The following TENM3 variants were observed in gnomAD, a reference collection of about 807,000 sequenced individuals.
TENM3 encodes teneurin transmembrane protein 3.
A neutral mutation model predicts 255.1 loss-of-function variants in TENM3; 63 were observed. The ratio of observed to expected loss-of-function variants is 0.25; its 90% CI spans 0.20 to 0.30. The LOEUF (loss-of-function observed/expected upper bound fraction) is 0.30, where lower values mean the gene tolerates loss of function less well. TENM3 is among the 10% of genes least tolerant of loss of function. The pLI is 1.00. For missense variants in TENM3, 2,929 were observed against 3,461.1 expected (o/e 0.85, Z 3.86); for synonymous variants, 1,306 against 1,322.3 (o/e 0.99, Z 0.27).
chr4:181,486,397 C>T, the TENM3 span, among the ~76,000 whole-genome samples: 30 of 152,338 alleles, frequency 2.0e-4, no homozygotes, highest in African/African-American at 7.2e-4. Context: ...AGTACCATAG[C>T]ATGTTGATGC....
At chr4:181,453,903 TA>T in the TENM3 span, among the ~76,000 whole-genome samples, 1 of 152,112 alleles carries the variant, frequency 6.6e-6, no homozygotes, top group African/African-American at 2.4e-5. Flanking sequence ...GTCCTGGGTT[TA>T]AAATGTGGTT....
chr4:182,144,553 G>T (rs541184538), upstream of TENM3: 100 of 149,980 alleles, frequency 6.7e-4, no homozygotes, highest in African/African-American at 2.4e-3. Flanking sequence ...GCGGCCGGGG[G>T]CGGGCAGGGA....
intron 1 of TENM3, among the ~76,000 whole-genome samples, chr4:182,184,912 G>A (rs959556417): frequency 1.3e-5 from 2 of 151,966 alleles, no homozygotes; most frequent in Non-Finnish European, 2.9e-5. Context: ...ATGACACTGC[G>A]TCTCTACTAG....
At chr4:182,370,744 C>G (rs1327200549) in intron 3 of TENM3, among the ~76,000 whole-genome samples, 1 of 152,178 alleles carries the variant, frequency 6.6e-6, no homozygotes, top group Non-Finnish European at 1.5e-5. Context: ...CATTATTTCA[C>G]TGTGAGAATA....
intron 3 of TENM3, among the ~76,000 whole-genome samples, chr4:182,503,278 A>G (rs1040746335): frequency 1.3e-5 from 2 of 152,118 alleles, no homozygotes; most frequent in African/African-American, 2.4e-5. Context: ...ACCTGTCCCA[A>G]ACTTCTCTTC....
At chr4:181,512,845 T>A in the TENM3 span, among the ~76,000 whole-genome samples, 1 of 152,232 alleles carries the variant, frequency 6.6e-6, no homozygotes, top group African/African-American at 2.4e-5. Flanking sequence ...ACATTTAGAT[T>A]AGAAACAGCC....
At chr4:181,578,230 T>TTTTC in the TENM3 span, among the ~76,000 whole-genome samples, 16 of 82,778 alleles carry the variant, frequency 1.9e-4, no homozygotes, top group Non-Finnish European at 3.1e-4. Context: ...ATGTCTTTCC[T>TTTTC]TTTCTTTGTT....
intron 22 of TENM3, among the ~76,000 whole-genome samples, chr4:182,761,002 A>G (rs1220522378): frequency 6.6e-6 from 1 of 152,112 alleles, no homozygotes; most frequent in Admixed American, 6.6e-5. Flanking sequence ...ATCATTAATT[A>G]GAAAAGTTAT....
chr4:181,813,416 G>A, the TENM3 span, among the ~76,000 whole-genome samples: 36 of 152,288 alleles, frequency 2.4e-4, no homozygotes, highest in Admixed American at 1.7e-3. Context: ...CAAACAAAGC[G>A]TCAAGCACAC....
chr4:182,503,018 G>T (rs1443355011), intron 3 of TENM3, among the ~76,000 whole-genome samples: 4 of 137,112 alleles, frequency 2.9e-5, no homozygotes, highest in Non-Finnish European at 6.1e-5. Context: ...CTGCTCTCTT[G>T]TCCAAAGTTT....
chr4:181,853,715 A>C, the TENM3 span, among the ~76,000 whole-genome samples: 5 of 152,314 alleles, frequency 3.3e-5, no homozygotes, highest in African/African-American at 1.2e-4. Flanking sequence ...GTTGTTAAGA[A>C]ATAACAGCAA....
At chr4:182,737,544 G>GC (rs1243570239) in intron 17 of TENM3, among the ~76,000 whole-genome samples, 1 of 152,126 alleles carries the variant, frequency 6.6e-6, no homozygotes. Flanking sequence ...CACTAGAACG[G>GC]CCGGTTCATT....
At chr4:181,742,999 C>T in the TENM3 span, among the ~76,000 whole-genome samples, 2 of 152,056 alleles carry the variant, frequency 1.3e-5, no homozygotes, top group African/African-American at 4.8e-5. Context: ...CTACAAAGAA[C>T]ATGAACTCAT....
chr4:181,810,822 C>G, the TENM3 span, among the ~76,000 whole-genome samples: 1 of 152,062 alleles, frequency 6.6e-6, no homozygotes, highest in Non-Finnish European at 1.5e-5. Flanking sequence ...AAGCCAGGGA[C>G]AGAGGCTGTT....
intron 3 of TENM3, among the ~76,000 whole-genome samples, chr4:182,581,367 A>G (rs1745476620): frequency 6.6e-6 from 1 of 152,204 alleles, no homozygotes; most frequent in Non-Finnish European, 1.5e-5. Context: ...AATTGTGGAA[A>G]TAATCAAAGC....
At chr4:182,212,622 C>G (rs1035846412) in intron 1 of TENM3, among the ~76,000 whole-genome samples, 7 of 152,200 alleles carry the variant, frequency 4.6e-5, no homozygotes, top group African/African-American at 1.4e-4. Context: ...ATAAAATGCT[C>G]AGAGCTGCCT....
intron 1 of TENM3, among the ~76,000 whole-genome samples, chr4:182,178,994 C>G (rs1295785541): frequency 6.6e-6 from 1 of 152,108 alleles, no homozygotes. Context: ...CAACGAATTC[C>G]TTTTTTAAAT....
At chr4:181,994,291 T>C in the TENM3 span, among the ~76,000 whole-genome samples, 1 of 152,066 alleles carries the variant, frequency 6.6e-6, no homozygotes, top group African/African-American at 2.4e-5. Context: ...TAGGGGGTAG[T>C]TAAGGGAGTA....
intron 1 of TENM3, among the ~76,000 whole-genome samples, chr4:182,233,776 A>G (rs1756722941): frequency 6.6e-6 from 1 of 152,348 alleles, no homozygotes; most frequent in South Asian, 2.1e-4. Flanking sequence ...CCATTGAACA[A>G]AAAAAGGAAT....
Sources: allele counts gnomAD v4.1 joint callset (sites outside exome capture counted in the v4.1 genomes callset), GRCh38; gene constraint gnomAD v4.1.1; transcripts MANE v1.5; gene names NCBI Gene and HGNC (gene_info 2026-07-23, HGNC 2026-07-21).